EXOC4: variants seen among roughly 807,000 people sequenced by gnomAD.
EXOC4 encodes exocyst complex component 4.
In EXOC4, 71 loss-of-function variants were observed where a neutral mutation model predicts 107.2. The ratio of observed to expected loss-of-function variants is 0.66; its 90% CI spans 0.55 to 0.81. The LOEUF is 0.81. Among genes scored for constraint, EXOC4 ranks in the 30% least tolerant of loss-of-function variants. The pLI, the probability that EXOC4 is intolerant of heterozygous loss-of-function variation, is 0.00. For synonymous variants in EXOC4, 456 were observed against 441.2 expected, an observed-to-expected ratio of 1.03 and a Z score of -0.42; for missense variants, 1,108 against 1,189.6, an observed-to-expected ratio of 0.93 and a Z score of 1.01.
intron 9 of EXOC4, among the ~76,000 whole-genome samples, chr7:133,557,630 C>G (rs1273319105): frequency 6.6e-6 from 1 of 152,152 alleles, no homozygotes; most frequent in Non-Finnish European, 1.5e-5. Context: ...TTATGGCATT[C>G]TGAATAGTAA....
chr7:133,762,143 C>A (rs1473913982), intron 10 of EXOC4, among the ~76,000 whole-genome samples: 2 of 152,070 alleles, frequency 1.3e-5, no homozygotes, highest in Admixed American at 1.3e-4. Context: ...GTATTTTTTT[C>A]TTTTCATGTA....
chr7:133,975,745 GCACACACACACA>G (rs57377025), intron 14 of EXOC4, among the ~76,000 whole-genome samples: 2 of 149,996 alleles, frequency 1.3e-5, no homozygotes, highest in Admixed American at 6.6e-5. Context: ...AAATGCGTGT[GCACACACACACA>G]CACACACACA....
At chr7:133,888,808 G>A (rs536551769) in intron 11 of EXOC4, among the ~76,000 whole-genome samples, 1 of 152,280 alleles carries the variant, frequency 6.6e-6, no homozygotes, top group South Asian at 2.1e-4. Context: ...AAAGCCTGGA[G>A]CTCCTTCTTT....
intron 11 of EXOC4, among the ~76,000 whole-genome samples, chr7:133,851,780 T>C (rs1798244294): frequency 6.6e-6 from 1 of 152,204 alleles, no homozygotes; most frequent in South Asian, 2.1e-4. Flanking sequence ...CAGGTAAGTA[T>C]AGTTTGTAAG....
chr7:133,289,007 A>G lies in EXOC4; in HGVS notation c.362A>G (p.His121Arg). The stretch of plus-strand genomic sequence containing the variant: ...AAACTGTGGATTGAAGGAATTGAGC[A>G]TAAGCATGTCCTGAACTTGTTGGAT... ...LRKLWIEGIE[H>R]KHVLNLLDEI... Residue 121 changes from histidine (H) to arginine (R), a missense_variant, in exon 3 of 18, where the codon CAT (histidine) becomes CGT (arginine). His to Arg is a conservative substitution (Grantham distance 29). Coordinates refer to ENST00000253861, the MANE Select transcript of EXOC4 (RefSeq NM_021807.4). 1.9e-6 allele frequency: 3 copies of G among 1,614,240 alleles called. No homozygotes were observed. The highest frequency in any genetic ancestry group is 1.1e-5 in the South Asian group (1 of 91,092).
chr7:133,682,044 G>T (rs1794198329), intron 10 of EXOC4, among the ~76,000 whole-genome samples: 1 of 151,938 alleles, frequency 6.6e-6, no homozygotes, highest in Non-Finnish European at 1.5e-5. Context: ...GGGACCACAG[G>T]CACGTATAAC....
chr7:133,782,129 T>G (rs1319938224), intron 10 of EXOC4, among the ~76,000 whole-genome samples: 2 of 152,188 alleles, frequency 1.3e-5, no homozygotes, highest in Non-Finnish European at 2.9e-5. Context: ...GAAGCTTTTG[T>G]TAAGACCATA....
chr7:133,633,590 G>A (rs559160833), intron 10 of EXOC4, among the ~76,000 whole-genome samples: 2 of 152,160 alleles, frequency 1.3e-5, no homozygotes, highest in South Asian at 4.2e-4. Flanking sequence ...ATGGTGGCAT[G>A]TGCCTGTAAT....
At chr7:133,640,770 T>A (rs1323441985) in intron 10 of EXOC4, among the ~76,000 whole-genome samples, 1 of 152,200 alleles carries the variant, frequency 6.6e-6, no homozygotes, top group Admixed American at 6.5e-5. Context: ...TTAACATGAG[T>A]TGCTACTTTT....
chr7:133,921,357 A>G (rs549575374), intron 13 of EXOC4, among the ~76,000 whole-genome samples: 1 of 152,338 alleles, frequency 6.6e-6, no homozygotes, highest in African/African-American at 2.4e-5. Flanking sequence ...ACTGATTAAA[A>G]TGCTAATCTC....
chr7:133,859,970 T>C (rs567740902), intron 11 of EXOC4, among the ~76,000 whole-genome samples: 1 of 152,344 alleles, frequency 6.6e-6, no homozygotes, highest in African/African-American at 2.4e-5. Flanking sequence ...AGCTGTAGAC[T>C]AGAAAACTCC....
chr7:133,375,713 G>A (rs1796474996), intron 7 of EXOC4, among the ~76,000 whole-genome samples: 1 of 152,066 alleles, frequency 6.6e-6, no homozygotes, highest in Non-Finnish European at 1.5e-5. Flanking sequence ...TGGGTTATAT[G>A]ACAGAACAAG....
intron 10 of EXOC4, among the ~76,000 whole-genome samples, chr7:133,795,331 C>T (rs1406330059): frequency 6.6e-6 from 1 of 152,164 alleles, no homozygotes; most frequent in Non-Finnish European, 1.5e-5. Context: ...CCTCTGTTCC[C>T]TGCAGCTGGG....
intron 9 of EXOC4, among the ~76,000 whole-genome samples, chr7:133,577,606 G>A (rs192364997): frequency 3.7e-4 from 57 of 152,220 alleles, no homozygotes; most frequent in Admixed American, 3.2e-3. Flanking sequence ...AGTCCTTTTG[G>A]CTCTAATGTT....
intron 5 of EXOC4, among the ~76,000 whole-genome samples, chr7:133,326,540 A>G (rs554107395): frequency 1.3e-5 from 2 of 152,166 alleles, no homozygotes; most frequent in African/African-American, 2.4e-5. Context: ...CTGAACAGCA[A>G]ATGTTGCTGA....
intron 9 of EXOC4, 187 bp downstream of exon 9, chr7:133,480,325 T>G: frequency 7.1e-7 from 1 of 1,408,866 alleles, no homozygotes; most frequent in Non-Finnish European, 9.3e-7. Flanking sequence ...ACTGTGGCCA[T>G]AGGACTTGTA....
At chr7:133,850,307 G>A (rs1295930566) in intron 11 of EXOC4, among the ~76,000 whole-genome samples, 3 of 152,112 alleles carry the variant, frequency 2.0e-5, no homozygotes, top group Non-Finnish European at 4.4e-5. Context: ...TCTAGTATAG[G>A]CTACCATTTC....
intron 12 of EXOC4, among the ~76,000 whole-genome samples, chr7:133,909,985 G>A (rs931764367): frequency 5.8e-5 from 8 of 136,832 alleles, no homozygotes; most frequent in Non-Finnish European, 9.0e-5. Flanking sequence ...ATGCAATGGC[G>A]TGACCTTGGC....
chr7:133,438,850 A>G (rs1360808090), intron 7 of EXOC4, among the ~76,000 whole-genome samples: 2 of 152,208 alleles, frequency 1.3e-5, no homozygotes, highest in African/African-American at 4.8e-5. Flanking sequence ...AGTATGTTGA[A>G]TTGTTTTCCT....
Sources: allele counts gnomAD v4.1 joint callset (sites outside exome capture counted in the v4.1 genomes callset), GRCh38; gene constraint gnomAD v4.1.1; transcripts MANE v1.5; gene names NCBI Gene and HGNC (gene_info 2026-07-23, HGNC 2026-07-21).